MBTD1: variants seen among roughly 807,000 people sequenced by gnomAD.
The protein encoded by MBTD1 is mbt domain containing 1, also known as MBT domain-containing protein 1.
MBTD1 carries 24 observed loss-of-function variants against 87.8 expected under a neutral mutation model. The observed-to-expected ratio is 0.27, with a 90% CI of 0.20 to 0.38. MBTD1 has a LOEUF of 0.38. MBTD1 is among the 10% of genes least tolerant of loss of function. The pLI is 1.00. For synonymous variants in MBTD1, 237 were observed against 248.6 expected (o/e 0.95, Z 0.44); for missense variants, 436 against 760.2 (o/e 0.57, Z 5.02).
intron 16 of MBTD1, among the ~76,000 whole-genome samples, chr17:51,191,283 T>TG (rs1259852427): frequency 2.0e-5 from 3 of 146,444 alleles, no homozygotes; most frequent in African/African-American, 7.8e-5. Context: ...TTTTTCGAGA[T>TG]GGAGTTTTGC....
intron 3 of MBTD1, among the ~76,000 whole-genome samples, chr17:51,221,328 C>CA (rs1035342759): frequency 6.6e-6 from 1 of 151,996 alleles, no homozygotes; most frequent in Non-Finnish European, 1.5e-5. Context: ...AACAAACAAA[C>CA]AAAAAACAAA....
chr17:51,221,111 T>C (rs111635103), intron 3 of MBTD1, among the ~76,000 whole-genome samples: 287 of 152,036 alleles, frequency 1.9e-3, no homozygotes, highest in Non-Finnish European at 2.5e-3. Context: ...CTGGGCAAGA[T>C]AGCAAGATCC....
intron 6 of MBTD1, among the ~76,000 whole-genome samples, chr17:51,213,970 A>G (rs1228791757): frequency 2.6e-5 from 4 of 152,162 alleles, no homozygotes; most frequent in Admixed American, 6.6e-5. Flanking sequence ...GGTCTGAAAA[A>G]CTAACCCCTA....
chr17:51,221,778 A>G (rs1452075701), intron 3 of MBTD1, among the ~76,000 whole-genome samples: 4 of 152,234 alleles, frequency 2.6e-5, no homozygotes, highest in East Asian at 3.8e-4. Context: ...TTTAAAGTAT[A>G]TGGAAGGATG....
intron 6 of MBTD1, among the ~76,000 whole-genome samples, chr17:51,207,492 C>T (rs1645482373): frequency 6.6e-6 from 1 of 152,246 alleles, no homozygotes; most frequent in African/African-American, 2.4e-5. Context: ...GATTAGAAAT[C>T]TAGTCCACAT....
At chr17:51,195,744 T>A (rs1344463401) in intron 12 of MBTD1, among the ~76,000 whole-genome samples, 1 of 152,228 alleles carries the variant, frequency 6.6e-6, no homozygotes, top group Non-Finnish European at 1.5e-5. Context: ...TTCTGATTTA[T>A]CACATACAGA....
chr17:51,223,174 A>G (rs2053012838), intron 3 of MBTD1, among the ~76,000 whole-genome samples: 1 of 152,092 alleles, frequency 6.6e-6, no homozygotes, highest in East Asian at 1.9e-4. Flanking sequence ...ACTGAAAATG[A>G]TATAAAACTG....
chr17:51,235,221 C>T (rs773377567), intron 2 of MBTD1, among the ~76,000 whole-genome samples: 23 of 152,042 alleles, frequency 1.5e-4, no homozygotes, highest in Admixed American at 1.5e-3. Flanking sequence ...CTGCGACTTC[C>T]GCCTCCTGGG....
chr17:51,242,489 T>C (rs755111966), intron 2 of MBTD1, among the ~76,000 whole-genome samples: 3 of 152,240 alleles, frequency 2.0e-5, no homozygotes, highest in Non-Finnish European at 4.4e-5. Flanking sequence ...CTAGACTGAC[T>C]ACTGAGTATA....
chr17:51,205,338 G>A (rs2051756735), intron 7 of MBTD1, among the ~76,000 whole-genome samples: 1 of 152,202 alleles, frequency 6.6e-6, no homozygotes, highest in Non-Finnish European at 1.5e-5. Flanking sequence ...ACATGATGCA[G>A]TTAGATAAAA....
chr17:51,195,956 G>A (rs920836158), intron 12 of MBTD1, among the ~76,000 whole-genome samples: 14 of 152,190 alleles, frequency 9.2e-5, no homozygotes, highest in African/African-American at 3.4e-4. Flanking sequence ...CACTCAGGCT[G>A]GAGTGCAATG....
intron 3 of MBTD1, among the ~76,000 whole-genome samples, chr17:51,222,334 C>G (rs1342238524): frequency 6.6e-6 from 1 of 152,222 alleles, no homozygotes; most frequent in Non-Finnish European, 1.5e-5. Flanking sequence ...TTGATAAAAT[C>G]TCATGTAGCT....
chr17:51,229,313 C>T (rs566946809), intron 2 of MBTD1, among the ~76,000 whole-genome samples: 2 of 151,572 alleles, frequency 1.3e-5, no homozygotes, highest in Non-Finnish European at 2.9e-5. Flanking sequence ...TTTTTTAATC[C>T]TCTCACACTA....
chr17:51,254,202 A>G (rs988507970), intron 2 of MBTD1, among the ~76,000 whole-genome samples: 2 of 152,218 alleles, frequency 1.3e-5, no homozygotes. Flanking sequence ...TGAACTTGGT[A>G]GGAGCTCAAG....
At position 51,203,840 on chromosome 17, in the gene MBTD1, A is replaced by T. The variant is rs773047454; in HGVS notation, c.690T>A (p.His230Gln). Reference sequence around the variant, plus strand: ...CGCTGGCTGCACACCAACCAACTGGATGGATATCAGAACCACATATATTGC... The same window carrying T: ...CGCTGGCTGCACACCAACCAACTGGTTGGATATCAGAACCACATATATTGC... ...FWCNICGSDI[H>Q]PVGWCAASGK... Residue 230 changes from histidine (H) to glutamine (Q), a missense_variant, in exon 8 of 17, where the codon CAT becomes CAA. Physicochemically the swap from His to Gln is conservative, Grantham distance 24. Transcript: ENST00000586178. 2 of 1,613,692 alleles carry T rather than the reference A, an allele frequency of 1.2e-6. No individual in the cohort carries two copies. The highest frequency in any genetic ancestry group is 1.7e-6 in the Non-Finnish European group (2 of 1,179,758).
intron 2 of MBTD1, among the ~76,000 whole-genome samples, chr17:51,247,855 C>A (rs2054540483): frequency 6.6e-6 from 1 of 152,142 alleles, no homozygotes; most frequent in Non-Finnish European, 1.5e-5. Context: ...ACCATCTAGG[C>A]CTGGTGTTTG....
intron 6 of MBTD1, among the ~76,000 whole-genome samples, chr17:51,207,800 G>A (rs1037009321): frequency 4.6e-5 from 7 of 152,052 alleles, no homozygotes; most frequent in Non-Finnish European, 1.0e-4. Context: ...AAAACTCAAG[G>A]CAATTCACAA....
chr17:51,251,607 C>CT (rs2054788088), intron 2 of MBTD1: 1 of 152,180 alleles, frequency 6.6e-6, no homozygotes, highest in African/African-American at 2.4e-5. Flanking sequence ...CCTTCCCTCT[C>CT]TCACTCTTAA....
chr17:51,195,198 T>C lies in MBTD1; in HGVS notation c.1372+16A>G, dbSNP rs1440650974. On this transcript the variant is annotated intron_variant, in intron 13 of 16. Transcript: ENST00000586178. ...AGCAACAATTAAAACCCAGTGTTTATATTAGGATGAAGTACCTCTGGGTGG... is the reference window on the plus strand; with the variant it reads ...AGCAACAATTAAAACCCAGTGTTTACATTAGGATGAAGTACCTCTGGGTGG... 3 of 1,604,244 alleles carry C rather than the reference T, an allele frequency of 1.9e-6. No homozygotes were observed. Among genetic ancestry groups the C allele is most frequent in the East Asian group, 4.5e-5 (2 of 44,784 alleles).
Sources: gnomAD v4.1 joint callset for allele counts (sites outside exome capture counted in the v4.1 genomes callset) on GRCh38, gnomAD v4.1.1 for gene constraint, MANE v1.5 for transcripts, NCBI Gene and HGNC (gene_info 2026-07-23, HGNC 2026-07-21) for gene names.